ARHGAP10: variants seen among roughly 807,000 people sequenced by gnomAD.
ARHGAP10 encodes the protein Rho GTPase activating protein 10.
In ARHGAP10, 87 loss-of-function variants were observed where a neutral mutation model predicts 108.6. The observed-to-expected ratio is 0.80, with a 90% CI of 0.67 to 0.96. The LOEUF (loss-of-function observed/expected upper bound fraction) is 0.96, where lower values mean the gene tolerates loss of function less well. Among genes scored for constraint, ARHGAP10 ranks in the 40% least tolerant of loss-of-function variants. The pLI, the probability that ARHGAP10 is intolerant of heterozygous loss-of-function variation, is 0.00. For missense variants in ARHGAP10, 939 were observed against 954.5 expected (o/e 0.98, Z 0.21); for synonymous variants, 347 against 341.1 (o/e 1.02, Z -0.19).
chr4:147,937,720 C>T (rs1738011038), intron 13 of ARHGAP10, among the ~76,000 whole-genome samples: 2 of 152,326 alleles, frequency 1.3e-5, no homozygotes, highest in East Asian at 1.9e-4. Context: ...TGGCTCATGC[C>T]TGTAATCCCA....
At chr4:147,970,193 C>A (rs142578066) in intron 18 of ARHGAP10, among the ~76,000 whole-genome samples, 4 of 152,280 alleles carry the variant, frequency 2.6e-5, no homozygotes, top group African/African-American at 9.6e-5. Context: ...GACAAGGGTG[C>A]TTGTGCAGGA....
At chr4:147,782,980 T>C (rs1197518501) in intron 1 of ARHGAP10, among the ~76,000 whole-genome samples, 3 of 140,714 alleles carry the variant, frequency 2.1e-5, no homozygotes, top group South Asian at 4.2e-4. Flanking sequence ...AATTATATAT[T>C]ATATAAATTA....
intron 10 of ARHGAP10, among the ~76,000 whole-genome samples, chr4:147,904,339 G>T (rs559904077): frequency 6.6e-6 from 1 of 151,884 alleles, no homozygotes; most frequent in African/African-American, 2.4e-5. Flanking sequence ...CCATTAACTC[G>T]TCATTTAGCA....
At chr4:148,016,336 C>T (rs1741345677) in intron 18 of ARHGAP10, among the ~76,000 whole-genome samples, 1 of 151,990 alleles carries the variant, frequency 6.6e-6, no homozygotes, top group African/African-American at 2.4e-5. Flanking sequence ...GACCCTGTCT[C>T]TACAAAAACG....
chr4:147,762,518 ATT>A (rs1251563174), intron 1 of ARHGAP10, among the ~76,000 whole-genome samples: 3 of 53,364 alleles, frequency 5.6e-5, no homozygotes, highest in Non-Finnish European at 1.4e-4. Flanking sequence ...TTATTTATTT[ATT>A]TTTATTTATT....
At chr4:147,778,699 T>C (rs1266588250) in intron 1 of ARHGAP10, among the ~76,000 whole-genome samples, 4 of 152,224 alleles carry the variant, frequency 2.6e-5, no homozygotes, top group Non-Finnish European at 4.4e-5. Flanking sequence ...ACATGATTCC[T>C]GGATGTCGCT....
chr4:147,850,963 G>A (rs778841053), intron 4 of ARHGAP10, among the ~76,000 whole-genome samples: 4 of 152,308 alleles, frequency 2.6e-5, no homozygotes, highest in Admixed American at 1.3e-4. Flanking sequence ...ATACCAGAAC[G>A]TGATAAGAGT....
In ARHGAP10 at chr4:147,877,531, G is replaced by A. The variant is rs1276919170; in HGVS notation, c.833-1701G>A. 2.6e-5 allele frequency among the ~76,000 whole-genome samples: 4 copies of A among 152,268 alleles called. No individual in the cohort carries two copies. In the East Asian group the frequency reaches 7.7e-4, roughly 29 times the overall value. On this transcript the variant is annotated intron_variant, in intron 8 of 22. Coordinates refer to ENST00000336498, the MANE Select transcript of ARHGAP10 (RefSeq NM_024605.4). ...GTAGAAACTTTGTTTGTTTGTACAT[G>A]AAATTACTGTGATAACAGATGTTAA...
chr4:148,036,369 C>A (rs1345168977), intron 19 of ARHGAP10, among the ~76,000 whole-genome samples: 1 of 152,152 alleles, frequency 6.6e-6, no homozygotes, highest in Non-Finnish European at 1.5e-5. Context: ...CCGCCCAGAT[C>A]TCATCTTGAA....
chr4:147,919,193 T>A (rs923173526), intron 13 of ARHGAP10, among the ~76,000 whole-genome samples: 5 of 152,240 alleles, frequency 3.3e-5, no homozygotes, highest in Non-Finnish European at 1.5e-5. Context: ...TAAGATGACA[T>A]TTTTAGTGTA....
intron 20 of ARHGAP10, among the ~76,000 whole-genome samples, chr4:148,057,161 T>C (rs1214659139): frequency 6.6e-6 from 1 of 152,278 alleles, no homozygotes; most frequent in Admixed American, 6.5e-5. Flanking sequence ...GGAACAAGCC[T>C]AGGGGAGGAA....
chr4:148,039,636 T>G (rs929306016), intron 19 of ARHGAP10, among the ~76,000 whole-genome samples: 5 of 151,964 alleles, frequency 3.3e-5, no homozygotes, highest in African/African-American at 1.2e-4. Flanking sequence ...CACTTAGCAT[T>G]GCTGTTGAGA....
chr4:148,025,980 G>A (rs867283548), intron 19 of ARHGAP10, among the ~76,000 whole-genome samples: 15 of 152,062 alleles, frequency 9.9e-5, no homozygotes, highest in Admixed American at 2.6e-4. Flanking sequence ...CCCTGCCCCC[G>A]CCCCGTGACT....
At chr4:147,749,333 T>C (rs576435435) in intron 1 of ARHGAP10, among the ~76,000 whole-genome samples, 1 of 152,328 alleles carries the variant, frequency 6.6e-6, no homozygotes, top group East Asian at 1.9e-4. Context: ...CTTAGCTTGT[T>C]GTAGGCCAAG....
intron 13 of ARHGAP10, among the ~76,000 whole-genome samples, chr4:147,931,371 A>G (rs1737674278): frequency 6.6e-6 from 1 of 152,034 alleles, no homozygotes; most frequent in East Asian, 1.9e-4. Context: ...AATTTTTGTT[A>G]AAAGTTAGAC....
chr4:147,791,537 CGCGCGTGCGT>C (rs890800127), intron 1 of ARHGAP10, among the ~76,000 whole-genome samples: 1 of 151,896 alleles, frequency 6.6e-6, no homozygotes, highest in East Asian at 1.9e-4. Context: ...TGTGTGTGCG[CGCGCGTGCGT>C]GCGCGCGTGT....
intron 7 of ARHGAP10, among the ~76,000 whole-genome samples, chr4:147,868,706 G>A (rs917294842): frequency 1.8e-4 from 27 of 152,150 alleles, no homozygotes; most frequent in African/African-American, 5.3e-4. Flanking sequence ...GGATGGTTTC[G>A]TGATGAAACT....
intron 4 of ARHGAP10, among the ~76,000 whole-genome samples, chr4:147,854,462 ACTGC>A (rs1734009769): frequency 6.6e-6 from 1 of 152,136 alleles, no homozygotes; most frequent in Non-Finnish European, 1.5e-5. Flanking sequence ...TCATTAGATT[ACTGC>A]CTGGCCCAGA....
intron 20 of ARHGAP10, among the ~76,000 whole-genome samples, chr4:148,057,395 G>A (rs1168259031): frequency 6.6e-6 from 1 of 152,256 alleles, no homozygotes; most frequent in East Asian, 1.9e-4. Context: ...AGGACTTGAG[G>A]GTCTGAGATC....
Sources: gnomAD v4.1 joint callset for allele counts (sites outside exome capture counted in the v4.1 genomes callset) on GRCh38, gnomAD v4.1.1 for gene constraint, MANE v1.5 for transcripts, NCBI Gene and HGNC (gene_info 2026-07-23, HGNC 2026-07-21) for gene names.